The following SRPK2 variants were observed in gnomAD, a reference collection of about 807,000 sequenced individuals.
SRPK2 encodes SFRS protein kinase 2.
Under a neutral mutation model 90.8 loss-of-function variants are expected in SRPK2, and 21 were observed. The observed-to-expected ratio is 0.23, with a 90% CI of 0.16 to 0.33. The LOEUF is 0.33. Ranked by LOEUF, SRPK2 falls within the 10% of genes least tolerant of loss-of-function variation. SRPK2 has a pLI of 1.00. For missense variants in SRPK2, 620 were observed against 869.0 expected, an observed-to-expected ratio of 0.71 and a Z score of 3.60; for synonymous variants, 288 against 311.1, an observed-to-expected ratio of 0.93 and a Z score of 0.78.
chr7:105,129,245 T>C (rs980000389), intron 13 of SRPK2, among the ~76,000 whole-genome samples: 1 of 151,146 alleles, frequency 6.6e-6, no homozygotes, highest in Admixed American at 6.6e-5. Context: ...AATAATTTTC[T>C]TTTTTTTTAA....
chr7:105,344,997 G>T (rs566709801), intron 2 of SRPK2, among the ~76,000 whole-genome samples: 1 of 152,172 alleles, frequency 6.6e-6, no homozygotes, highest in South Asian at 2.1e-4. Flanking sequence ...TTAGCTGGGG[G>T]TGATGGCAGC....
chr7:105,306,315 C>T (rs1400805872), intron 2 of SRPK2: 10 of 321,656 alleles, frequency 3.1e-5, no homozygotes, highest in Non-Finnish European at 6.0e-5. Flanking sequence ...TAATCAGAAC[C>T]TGACGGATCA....
intron 11 of SRPK2, among the ~76,000 whole-genome samples, chr7:105,137,459 T>G (rs892950879): frequency 2.0e-5 from 3 of 147,748 alleles, no homozygotes; most frequent in Non-Finnish European, 4.4e-5. Flanking sequence ...GAGCAAAAGC[T>G]CAAGTGATAG....
intron 7 of SRPK2, 110 bp from the exon 8 acceptor site, chr7:105,146,768 C>T: frequency 1.7e-6 from 2 of 1,158,706 alleles, no homozygotes; most frequent in Non-Finnish European, 1.2e-6. Context: ...GTTTGATAAA[C>T]ACAAAAGGAT....
At chr7:105,280,850 C>T (rs1025572816) in intron 2 of SRPK2, among the ~76,000 whole-genome samples, 1 of 138,594 alleles carries the variant, frequency 7.2e-6, no homozygotes, top group Middle Eastern at 4.5e-3. Flanking sequence ...AGGAGGCTGA[C>T]GCAGGAGAAT....
chr7:105,156,612 G>A (rs1259168429), intron 7 of SRPK2, among the ~76,000 whole-genome samples: 1 of 151,996 alleles, frequency 6.6e-6, no homozygotes, highest in African/African-American at 2.4e-5. Context: ...GTGATCCTCC[G>A]ACCTCAGCCT....
intron 2 of SRPK2, among the ~76,000 whole-genome samples, chr7:105,253,135 C>G (rs1196909808): frequency 6.6e-6 from 1 of 152,192 alleles, no homozygotes; most frequent in Non-Finnish European, 1.5e-5. Flanking sequence ...GGTCAATCAC[C>G]TGTCTTTAGA....
chr7:105,319,010 TTC>T (rs1812609085), intron 2 of SRPK2, among the ~76,000 whole-genome samples: 1 of 152,164 alleles, frequency 6.6e-6, no homozygotes, highest in African/African-American at 2.4e-5. Flanking sequence ...AAGCAATATT[TTC>T]AAGTAAAACA....
intron 7 of SRPK2, among the ~76,000 whole-genome samples, chr7:105,158,452 A>G (rs1806875399): frequency 6.6e-6 from 1 of 152,030 alleles, no homozygotes; most frequent in African/African-American, 2.4e-5. Context: ...ATGGGGTTTC[A>G]CCATGCTGGC....
intron 2 of SRPK2, chr7:105,301,399 C>T: frequency 1.6e-6 from 1 of 629,216 alleles, no homozygotes; most frequent in Non-Finnish European, 2.8e-6. Context: ...AGTGCCAAGA[C>T]TGTGCCGCCC....
intron 2 of SRPK2, among the ~76,000 whole-genome samples, chr7:105,326,797 C>CACGCCTGT (rs1317874047): frequency 6.6e-5 from 10 of 152,300 alleles, no homozygotes; most frequent in African/African-American, 2.4e-4. Flanking sequence ...CGCGGTGGCT[C>CACGCCTGT]ACGCCTGTAA....
intron 3 of SRPK2, among the ~76,000 whole-genome samples, chr7:105,201,050 A>G (rs965311758): frequency 6.6e-6 from 1 of 152,176 alleles, no homozygotes; most frequent in African/African-American, 2.4e-5. Flanking sequence ...ATAAAACACC[A>G]TATTAGTAAT....
At chr7:105,193,183 T>G (rs1794519331) in intron 3 of SRPK2, among the ~76,000 whole-genome samples, 1 of 152,238 alleles carries the variant, frequency 6.6e-6, no homozygotes, top group African/African-American at 2.4e-5. Context: ...GGTCTTAGAT[T>G]TAAGTCCTTG....
At chr7:105,333,097 G>C (rs1448517095) in intron 2 of SRPK2, among the ~76,000 whole-genome samples, 1 of 152,164 alleles carries the variant, frequency 6.6e-6, no homozygotes, top group Admixed American at 6.5e-5. Context: ...GGGAGGCTGA[G>C]GCAGAAGAAC....
At position 105,277,048 on chromosome 7, in the gene SRPK2, T is replaced by C. The variant is rs1326561314; in HGVS notation, c.72-73263A>G. On this transcript the variant is annotated intron_variant, in intron 2 of 15. Transcript: ENST00000393651. ...TCTACTGCCTCAGGATACACGCTTA[T>C]GGAGCCCTTCTTGGTGTCTCCAACT... 3.3e-5 allele frequency among the ~76,000 whole-genome samples: 5 copies of C among 152,022 alleles called. No homozygotes were observed. The East Asian group carries it at 5.8e-4, about 18-fold the overall frequency.
chr7:105,379,555 G>A (rs972088488), intron 2 of SRPK2, among the ~76,000 whole-genome samples: 3 of 152,162 alleles, frequency 2.0e-5, no homozygotes, highest in African/African-American at 4.8e-5. Flanking sequence ...GCTCCTAGGT[G>A]GTAGAGTATA....
At chr7:105,177,942 C>G (rs1792196647) in intron 3 of SRPK2, among the ~76,000 whole-genome samples, 1 of 150,152 alleles carries the variant, frequency 6.7e-6, no homozygotes, top group Non-Finnish European at 1.5e-5. Context: ...GGCAGGAGAA[C>G]GGCGTGAACC....
At chr7:105,125,774 A>G in intron 15 of SRPK2, 1 of 1,237,802 alleles carries the variant, frequency 8.1e-7, no homozygotes, top group Non-Finnish European at 1.1e-6. Context: ...TTGCATAAAT[A>G]CCGTTACCTT....
At chr7:105,397,636 T>TC (rs1822368995) in intron 1 of SRPK2, among the ~76,000 whole-genome samples, 1 of 151,100 alleles carries the variant, frequency 6.6e-6, no homozygotes, top group South Asian at 2.1e-4. Context: ...CCTAGAGTGA[T>TC]ATTTTAAAGT....
Sources: allele counts gnomAD v4.1 joint callset (sites outside exome capture counted in the v4.1 genomes callset), GRCh38; gene constraint gnomAD v4.1.1; transcripts MANE v1.5; gene names NCBI Gene and HGNC (gene_info 2026-07-23, HGNC 2026-07-21).